GRM4: variants seen among roughly 807,000 people sequenced by gnomAD.
GRM4 encodes the protein metabotropic glutamate receptor 4.
GRM4 carries 28 observed loss-of-function variants against 81.7 expected under a neutral mutation model. The ratio of observed to expected loss-of-function variants is 0.34; its 90% CI spans 0.25 to 0.47. The LOEUF (loss-of-function observed/expected upper bound fraction) is 0.47, where lower values mean the gene tolerates loss of function less well. Ranked by LOEUF, GRM4 falls within the 20% of genes least tolerant of loss-of-function variation. The pLI, the probability that GRM4 is intolerant of heterozygous loss-of-function variation, is 1.00. For missense variants in GRM4, 948 were observed against 1,290.0 expected (o/e 0.73, Z 4.06); for synonymous variants, 488 against 528.8 (o/e 0.92, Z 1.06).
chr6:34,150,589 C>T (rs921512950), upstream of GRM4, among the ~76,000 whole-genome samples: 3 of 152,066 alleles, frequency 2.0e-5, no homozygotes, highest in African/African-American at 4.8e-5. Context: ...AGTTCCCTGA[C>T]CTGAGAGATG....
intron 10 of GRM4, among the ~76,000 whole-genome samples, chr6:34,023,186 C>T (rs367662715): frequency 6.6e-6 from 1 of 152,248 alleles, no homozygotes; most frequent in South Asian, 2.1e-4. Flanking sequence ...TGACTCCTTC[C>T]TCTAGCACTC....
At chr6:34,027,163 G>A (rs1764171313) in intron 10 of GRM4, among the ~76,000 whole-genome samples, 2 of 152,178 alleles carry the variant, frequency 1.3e-5, no homozygotes, top group African/African-American at 4.8e-5. Flanking sequence ...GAGGAGGACT[G>A]GAAAGAACCA....
intron 2 of GRM4, among the ~76,000 whole-genome samples, chr6:34,120,837 G>A (rs910452707): frequency 3.9e-5 from 6 of 152,094 alleles, no homozygotes; most frequent in Non-Finnish European, 7.4e-5. Flanking sequence ...CTTGTGATCC[G>A]CCCACCTCGG....
chr6:34,100,512 T>C (rs543964393), intron 2 of GRM4, among the ~76,000 whole-genome samples: 119 of 152,274 alleles, frequency 7.8e-4, no homozygotes, highest in Admixed American at 4.4e-3. Context: ...CCATACACTC[T>C]CCCAGCATCC....
At chr6:34,050,169 A>C (rs1765544612) in intron 6 of GRM4, among the ~76,000 whole-genome samples, 1 of 151,932 alleles carries the variant, frequency 6.6e-6, no homozygotes, top group African/African-American at 2.4e-5. Context: ...GCATGAGCCC[A>C]CCCCAGGGCC....
Position 34,035,755 on chromosome 6 carries a change from C to T in GRM4, c.2355G>A (p.Lys785=), listed in dbSNP as rs1232643690. ...TGGTGTACATGGTGAAGCCAATGGG[C>T]TTGGCCTCATTGAAGGTCTCGGGCA... is the stretch of plus-strand genomic sequence containing the variant. The part of the protein sequence containing the change: ...RGVPETFNEA[K]PIGFTMYTTC... The change falls in exon 9 of 11, where the codon AAG becomes AAA. Residue 785 remains lysine (K), a synonymous_variant. Transcript: ENST00000538487. This position sits in a 1 kb window ranked among gnomAD's most constrained non-coding sequence, Gnocchi z 6.6. The T allele has an allele frequency of 1.9e-6, 3 of 1,612,776 alleles. No individual in the cohort carries two copies. In the African/African-American group the frequency reaches 4.0e-5, roughly 22 times the overall value.
chr6:34,124,221 T>G (rs1450296717), intron 2 of GRM4, among the ~76,000 whole-genome samples: 1 of 152,176 alleles, frequency 6.6e-6, no homozygotes, highest in Admixed American at 6.5e-5. Context: ...TCAGATCAAC[T>G]GCCAAGCAGA....
intron 2 of GRM4, among the ~76,000 whole-genome samples, chr6:34,109,936 C>A (rs1769296317): frequency 1.9e-5 from 1 of 52,120 alleles, no homozygotes; most frequent in Non-Finnish European, 6.8e-5. Context: ...TGTACACCAC[C>A]CCCCAGCAGC....
Position 34,021,967 on chromosome 6 carries a change from G to A in GRM4, c.*854C>T, listed in dbSNP as rs1034747453. The A allele has an allele frequency of 2.1e-4, 33 of 154,810 alleles. No homozygotes were observed. The highest frequency in any genetic ancestry group is 6.7e-4 in the African/African-American group (28 of 41,522). The allele number at this position is 154,810 out of a possible 1,614,324, so 9.6% of individuals were successfully genotyped here. A position where few individuals can be genotyped will look rare whatever the true frequency, so the allele number is the denominator to read the frequency against. ...CCCAGGCACTGAACTCCGTGTGGTC[G>A]GCAGGAGGGGCAGGCGGGCAGGCGG... On this transcript the variant is annotated 3_prime_UTR_variant, in exon 11 of 11. Transcript: ENST00000538487. The surrounding 1 kb of genome is among the most constrained non-coding windows in gnomAD (Gnocchi z 5.3).
At chr6:34,024,768 T>C (rs1764050046) in intron 10 of GRM4, 1 of 455,834 alleles carries the variant, frequency 2.2e-6, no homozygotes, top group Admixed American at 2.3e-5. Flanking sequence ...CGGATGGTGG[T>C]GGGCAAGTTT....
intron 2 of GRM4, among the ~76,000 whole-genome samples, chr6:34,100,809 T>C (rs1398468434): frequency 6.6e-6 from 1 of 152,240 alleles, no homozygotes; most frequent in East Asian, 1.9e-4. Context: ...CCCACAGCAC[T>C]GAATTGCAGT....
At chr6:34,040,504 C>A in intron 7 of GRM4, 44 bp downstream of exon 7, 1 of 1,560,486 alleles carries the variant, frequency 6.4e-7, no homozygotes, top group Non-Finnish European at 8.8e-7. Context: ...TCGGGCATGG[C>A]CCAGGATACC....
chr6:34,101,873 G>T, intron 2 of GRM4: 3 of 635,786 alleles, frequency 4.7e-6, no homozygotes, highest in South Asian at 2.2e-5. Context: ...TTTTAATTAG[G>T]ATCACCAACC....
chr6:34,141,738 T>A (rs1377914209), intron 1 of GRM4, among the ~76,000 whole-genome samples: 3 of 152,100 alleles, frequency 2.0e-5, no homozygotes, highest in Non-Finnish European at 4.4e-5. Flanking sequence ...AGGCTTCATC[T>A]CTTCTAAGCA....
chr6:34,094,317 CG>C lies in GRM4; in HGVS notation c.520-2219del, dbSNP rs570033123. On this transcript the variant is annotated intron_variant, in intron 2 of 10. Coordinates refer to ENST00000538487, the MANE Select transcript of GRM4 (RefSeq NM_000841.4). ...TAGGTTTCCAATGTAGAACCATGCACGTCTTCCACCCATTTGGAAAGCAAAC... is the reference window on the plus strand; with the variant it reads ...TAGGTTTCCAATGTAGAACCATGCACTCTTCCACCCATTTGGAAAGCAAAC... Among the ~76,000 whole-genome samples the C allele has an allele frequency of 2.2e-4, 33 of 152,300 alleles. No homozygotes were observed. In the South Asian group the frequency reaches 6.2e-3, roughly 29 times the overall value.
At chr6:34,044,206 A>G (rs1765168065) in intron 6 of GRM4, among the ~76,000 whole-genome samples, 1 of 135,806 alleles carries the variant, frequency 7.4e-6, no homozygotes, top group African/African-American at 3.0e-5. Context: ...ACACATATAT[A>G]TACATACATA....
intron 1 of GRM4, among the ~76,000 whole-genome samples, chr6:34,143,011 C>T (rs1770757273): frequency 1.3e-5 from 2 of 152,234 alleles, no homozygotes; most frequent in African/African-American, 4.8e-5. Flanking sequence ...GGGTAGAGCA[C>T]TCCTTTGGGT....
At chr6:34,112,680 C>T (rs886919373) in intron 2 of GRM4, among the ~76,000 whole-genome samples, 1 of 152,172 alleles carries the variant, frequency 6.6e-6, no homozygotes, top group East Asian at 1.9e-4. Context: ...GGGTTGGAGG[C>T]GGCAGGGGAA....
chr6:34,056,953 C>T (rs1469257951), intron 5 of GRM4, among the ~76,000 whole-genome samples: 2 of 152,190 alleles, frequency 1.3e-5, no homozygotes, highest in Admixed American at 6.5e-5. Context: ...TTTCCACGGC[C>T]TTTAACCGCT....
Sources: gnomAD v4.1 joint callset for allele counts (sites outside exome capture counted in the v4.1 genomes callset) on GRCh38, gnomAD v4.1.1 for gene constraint, Gnocchi (gnomAD v3.1) non-coding constraint, MANE v1.5 for transcripts, NCBI Gene and HGNC (gene_info 2026-07-23, HGNC 2026-07-21) for gene names.